Variants in JMY observed in about 807,000 individuals in gnomAD.
The protein encoded by JMY is junction mediating and regulatory protein, p53 cofactor, also known as junction-mediating and -regulatory protein.
A neutral mutation model predicts 103.3 loss-of-function variants in JMY; 46 were observed. The observed-to-expected ratio is 0.45, with a 90% confidence interval of 0.35 to 0.57. JMY has a LOEUF of 0.57. Ranked by LOEUF, JMY falls within the 20% of genes least tolerant of loss-of-function variation. JMY has a pLI of 0.00. For synonymous variants in JMY, 526 were observed against 489.3 expected (o/e 1.07, Z -0.99); for missense variants, 1,238 against 1,255.2 (o/e 0.99, Z 0.21).
rs536837367 is a variant in JMY, at chr5:79,288,825, G to A, written c.1207-1296G>A. Among the ~76,000 whole-genome samples the A allele has an allele frequency of 4.9e-3, 738 of 151,984 alleles. 3 individuals are homozygous for A. The highest frequency in any genetic ancestry group is 0.017 in the African/African-American group (686 of 41,450). On this transcript the variant is annotated intron_variant, in intron 2 of 10. Transcript: ENST00000396137. ...CACAAGCAATCCTCCCTGTCTGTCT[G>A]GGAGCAAAAGGAAAGCAGTTTTTGC... is the stretch of plus-strand genomic sequence containing the variant.
At chr5:79,316,570 C>T (rs527322500) in intron 10 of JMY, among the ~76,000 whole-genome samples, 16 of 151,974 alleles carry the variant, frequency 1.1e-4, no homozygotes, top group Admixed American at 2.6e-4. Flanking sequence ...TGCTATACAG[C>T]TGTAATTGCA....
At position 79,321,845 on chromosome 5, in the gene JMY, A is replaced by G. The variant is rs921218570; in HGVS notation, c.*243A>G. 6.6e-6 allele frequency: 1 copy of G among 152,160 alleles called. No homozygotes were observed. Among genetic ancestry groups the G allele is most frequent in the Admixed American group, 6.5e-5 (1 of 15,270 alleles). The allele number at this position is 152,160 out of a possible 1,614,324, so 9.4% of individuals were successfully genotyped here. ...CTGCAATGAAGAAAAGGCCTTCTGG[A>G]GATTTCTGTTTTTTAAGCACATTCT... On this transcript the variant is annotated 3_prime_UTR_variant, in exon 11 of 11. Transcript: ENST00000396137.
At chr5:79,264,007 A>G (rs528311178) in intron 1 of JMY, among the ~76,000 whole-genome samples, 1 of 151,088 alleles carries the variant, frequency 6.6e-6, no homozygotes, top group African/African-American at 2.4e-5. Flanking sequence ...GGCTGGTCTC[A>G]AACTCCTGAC....
chr5:79,297,930 G>T (rs1215611194), intron 4 of JMY, among the ~76,000 whole-genome samples: 1 of 152,198 alleles, frequency 6.6e-6, no homozygotes, highest in Non-Finnish European at 1.5e-5. Flanking sequence ...TATTGAGTGT[G>T]TGCTGGTAGC....
chr5:79,258,246 GAAAT>G (rs1027468098), intron 1 of JMY, among the ~76,000 whole-genome samples: 4 of 148,788 alleles, frequency 2.7e-5, no homozygotes, highest in South Asian at 4.3e-4. Flanking sequence ...GAACTAAAAA[GAAAT>G]AAAAATATCA....
chr5:79,282,538 A>G lies in JMY; in HGVS notation c.1206+4455A>G, dbSNP rs73116193. 4.0e-3 allele frequency among the ~76,000 whole-genome samples: 602 copies of G among 152,316 alleles called. 3 individuals are homozygous for G. The highest frequency in any genetic ancestry group is 0.014 in the African/African-American group (576 of 41,570). ...AATGGGGTGATCAGTGCCTAAAGAT[A>G]TATGTGAAAAGAGGGACTATCTAGT... On this transcript the variant is annotated intron_variant, in intron 2 of 10. Transcript: ENST00000396137.
In JMY at chr5:79,291,301, T is replaced by A; in HGVS notation, c.1527+2T>A. The A allele has an allele frequency of 6.5e-7, 1 of 1,535,992 alleles. No homozygotes were observed. The highest frequency in any genetic ancestry group is 8.7e-7 in the Non-Finnish European group (1 of 1,142,956). ...CGGAAACATGCACTAAAGGAAGAGG[T>A]AACAAAAATCATCAGAAATATAAAA... On this transcript the variant is annotated splice_donor_variant, in intron 4 of 10. Transcript: ENST00000396137. LOFTEE classifies it high-confidence loss of function.
chr5:79,253,515 A>G (rs1002208984), intron 1 of JMY, among the ~76,000 whole-genome samples: 1 of 151,890 alleles, frequency 6.6e-6, no homozygotes, highest in South Asian at 2.1e-4. Context: ...GATAGTCTTG[A>G]TCTCCTGACC....
intron 1 of JMY, among the ~76,000 whole-genome samples, chr5:79,250,650 CTTTTTT>C: frequency 8.1e-6 from 1 of 122,734 alleles, no homozygotes; most frequent in South Asian, 2.6e-4. Flanking sequence ...AATTATTTTT[CTTTTTT>C]TTTTTTTTTT....
intron 3 of JMY, among the ~76,000 whole-genome samples, 170 bp from the exon 4 acceptor site, chr5:79,290,960 G>A (rs1424632920): frequency 1.3e-5 from 2 of 152,100 alleles, no homozygotes; most frequent in Non-Finnish European, 2.9e-5. Flanking sequence ...ACTCCAGCCT[G>A]GGCAACAGAG....
chr5:79,312,530 T>TA, intron 8 of JMY, 32 bp downstream of exon 8: 8 of 1,201,532 alleles, frequency 6.7e-6, no homozygotes, highest in Non-Finnish European at 8.9e-6. Context: ...TTATTGTTTT[T>TA]CTTTTTTTTT....
chr5:79,269,791 C>T (rs1036132266), intron 1 of JMY, among the ~76,000 whole-genome samples: 3 of 151,508 alleles, frequency 2.0e-5, no homozygotes, highest in Non-Finnish European at 2.9e-5. Flanking sequence ...AGTGCAGTGG[C>T]GCAATCATAG....
At chr5:79,260,853 A>G (rs1745400051) in intron 1 of JMY, among the ~76,000 whole-genome samples, 1 of 152,156 alleles carries the variant, frequency 6.6e-6, no homozygotes, top group Non-Finnish European at 1.5e-5. Context: ...AATGTATGGC[A>G]CTGGTCCTTA....
At chr5:79,260,220 T>C (rs763467358) in intron 1 of JMY, among the ~76,000 whole-genome samples, 3 of 152,202 alleles carry the variant, frequency 2.0e-5, no homozygotes, top group Non-Finnish European at 4.4e-5. Context: ...GGAAGCAAGG[T>C]TGAGGCTGTG....
intron 5 of JMY, 48 bp from the exon 6 acceptor site, chr5:79,300,628 C>A (rs1233274172): frequency 6.9e-7 from 1 of 1,455,092 alleles, no homozygotes; most frequent in Non-Finnish European, 9.3e-7. Context: ...CTTTCCAAAC[C>A]CTAGCCCATA....
intron 1 of JMY, among the ~76,000 whole-genome samples, chr5:79,248,576 T>G (rs1047881246): frequency 1.3e-5 from 2 of 152,064 alleles, no homozygotes; most frequent in South Asian, 4.1e-4. Context: ...CCCAAAGTGC[T>G]GGGATTATAA....
At position 79,237,065 on chromosome 5, in the gene JMY, C is replaced by G; in HGVS notation, c.415C>G (p.Arg139Gly). 3.3e-6 allele frequency: 5 copies of G among 1,534,408 alleles called. No homozygotes were observed. The highest frequency in any genetic ancestry group is 4.4e-6 in the Non-Finnish European group (5 of 1,136,578). ...RSPGSKGAESRLRSPVRAKPI... is the reference protein window; with the variant it reads ...RSPGSKGAESGLRSPVRAKPI... ...TCCTGGCAGCAAAGGGGCGGAGAGT[C>G]GTCTTAGGAGCCCAGTGCGGGCCAA... The change falls in exon 1 of 11, where the codon CGT becomes GGT. Residue 139 changes from arginine to glycine, a missense_variant. Physicochemically the swap from Arg to Gly is moderately radical, Grantham distance 125 (BLOSUM62 -2). Transcript: ENST00000396137.
rs775383072 is a variant in JMY, at chr5:79,300,662, CT to C, written c.1694-13del. On this transcript the variant is annotated splice_polypyrimidine_tract_variant and intron_variant, in intron 5 of 10. Coordinates refer to ENST00000396137, the MANE Select transcript of JMY (RefSeq NM_152405.5). The stretch of plus-strand genomic sequence containing the variant: ...TATTCTTTACCACTACTCTTTTTTG[CT>C]GTTCTGTAACAGAAAAAAGAGATGA... 6.4e-7 allele frequency: 1 copy of C among 1,570,030 alleles called. No homozygotes were observed. The highest frequency in any genetic ancestry group is 1.2e-5 in the South Asian group (1 of 84,134).
At chr5:79,292,847 G>C (rs569570591) in intron 4 of JMY, among the ~76,000 whole-genome samples, 1 of 152,250 alleles carries the variant, frequency 6.6e-6, no homozygotes, top group East Asian at 1.9e-4. Flanking sequence ...TAATGTAATA[G>C]TCTGGATTGT....
Sources: gnomAD v4.1 joint callset for allele counts (sites outside exome capture counted in the v4.1 genomes callset) on GRCh38, gnomAD v4.1.1 for gene constraint, MANE v1.5 for transcripts, NCBI Gene and HGNC (gene_info 2026-07-23, HGNC 2026-07-21) for gene names.